Variants in TASOR observed in about 807,000 individuals in gnomAD.
The protein encoded by TASOR is transcription activation suppressor, also known as protein TASOR.
Under a neutral mutation model 178.6 loss-of-function variants are expected in TASOR, and 53 were observed. That is an observed-to-expected ratio of 0.30 (90% confidence interval 0.24 to 0.37). The LOEUF (loss-of-function observed/expected upper bound fraction) is 0.37. Ranked by LOEUF, TASOR falls within the 10% of genes least tolerant of loss-of-function variation. The probability of loss-of-function intolerance (pLI) is 1.00; values close to 1 mark genes in which losing one functional copy is unlikely to be tolerated. For synonymous variants in TASOR, 713 were observed against 696.2 expected (o/e 1.02, Z -0.38); for missense variants, 1,815 against 1,971.4 (o/e 0.92, Z 1.50).
intron 11 of TASOR, among the ~76,000 whole-genome samples, chr3:56,659,919 G>A (rs1473295665): frequency 2.0e-5 from 3 of 151,346 alleles, no homozygotes; most frequent in Non-Finnish European, 2.9e-5. Flanking sequence ...TTGTCACTCA[G>A]GCTGGAGCGC....
rs1342436370 is a variant in TASOR at position 56,622,154 on chromosome 3, T to G, written c.*883A>C. On this transcript the variant is annotated 3_prime_UTR_variant, in exon 24 of 24. Coordinates refer to ENST00000683822, the MANE Select transcript of TASOR (RefSeq NM_001365635.2). ...GAAATTGCAATTTTCAAAAACATTT[T>G]TAAAAGTTAGCATTAGTAACAAGTT... 1 of 152,280 alleles carries G rather than the reference T, an allele frequency of 6.6e-6. No individual in the cohort carries two copies. The highest frequency in any genetic ancestry group is 1.5e-5 in the Non-Finnish European group (1 of 68,078). 9.4% of individuals were successfully genotyped at this position (152,280 alleles called of 1,614,324 possible). A position where few individuals can be genotyped will look rare whatever the true frequency, so the allele number is the denominator to read the frequency against.
chr3:56,669,328 C>A (rs2030413063), intron 5 of TASOR, among the ~76,000 whole-genome samples: 1 of 152,012 alleles, frequency 6.6e-6, no homozygotes, highest in Non-Finnish European at 1.5e-5. Flanking sequence ...ACGGTGAAAA[C>A]CCGTCTCTAC....
At chr3:56,628,422 G>T in intron 19 of TASOR, 70 bp downstream of exon 19, 1 of 1,351,778 alleles carries the variant, frequency 7.4e-7, no homozygotes, top group Non-Finnish European at 1.0e-6. Context: ...ACACTAGTCT[G>T]GCAGACAGTA....
rs1254690638 is a variant in TASOR, at chr3:56,633,629, T to A, written c.3162A>T (p.Thr1054=). 6.2e-7 allele frequency: 1 copy of A among 1,613,940 alleles called. No homozygotes were observed. Among genetic ancestry groups the A allele is most frequent in the East Asian group, 2.2e-5 (1 of 44,892 alleles). The change falls in exon 18 of 24, where the codon ACA becomes ACT. Residue 1054 remains threonine (T), a synonymous_variant. Transcript: ENST00000683822. ...VSTVSTPIFS[T]QEKMKRLSEF... ...CGGAAAGCCGTTTCATCTTCTCTTG[T>A]GTTGAAAAGATAGGTGTGGAAACTG... is the stretch of plus-strand genomic sequence containing the variant.
chr3:56,674,905 G>A lies in TASOR; in HGVS notation c.332-1180C>T, dbSNP rs142908553. On this transcript the variant is annotated intron_variant, in intron 1 of 23. Coordinates refer to ENST00000683822, the MANE Select transcript of TASOR (RefSeq NM_001365635.2). ...ACAATCTTGGCTCACTGCAAGCTCC[G>A]CCTCCAAGGTACACACCATTCTCCT... Among the ~76,000 whole-genome samples, 1,252 of 152,236 alleles carry A rather than the reference G, an allele frequency of 8.2e-3. 16 individuals are homozygous for A. Among genetic ancestry groups the A allele is most frequent in the African/African-American group, 0.027 (1,133 of 41,546 alleles).
chr3:56,682,317 T>C (rs1475649602), intron 1 of TASOR, among the ~76,000 whole-genome samples: 1 of 151,950 alleles, frequency 6.6e-6, no homozygotes, highest in Non-Finnish European at 1.5e-5. Flanking sequence ...GCTATTTCCA[T>C]AGCGAGACTT....
chr3:56,627,857 T>C, intron 19 of TASOR, 116 bp from the exon 20 acceptor site: 2 of 847,796 alleles, frequency 2.4e-6, no homozygotes, highest in Non-Finnish European at 3.7e-6. Context: ...TCTATATTAG[T>C]GGATTACCTC....
intron 1 of TASOR, among the ~76,000 whole-genome samples, chr3:56,682,059 A>G (rs2031840551): frequency 6.6e-6 from 1 of 152,238 alleles, no homozygotes; most frequent in East Asian, 1.9e-4. Context: ...TAAAGAGAGA[A>G]AAACCTATTT....
chr3:56,680,184 A>T (rs1194869125), intron 1 of TASOR, among the ~76,000 whole-genome samples: 1 of 152,280 alleles, frequency 6.6e-6, no homozygotes, highest in East Asian at 1.9e-4. Context: ...CCATCTCCAC[A>T]ACTTAGCTGT....
chr3:56,628,522 T>C lies in TASOR; in HGVS notation c.3840A>G (p.Gln1280=). Reference sequence around the variant, plus strand: ...GAATGAAACCTGCAATGTCTTCATTTTGAATAATAATCAATAGTTTATCTA... The same window carrying C: ...GAATGAAACCTGCAATGTCTTCATTCTGAATAATAATCAATAGTTTATCTA... ...SKLDKLLIII[Q]NEDIAGFIHK... The change falls in exon 19 of 24, where the codon CAA becomes CAG. Residue 1280 remains glutamine, a synonymous_variant. Coordinates refer to ENST00000683822, the MANE Select transcript of TASOR (RefSeq NM_001365635.2). 1.2e-6 allele frequency: 2 copies of C among 1,605,394 alleles called. No homozygotes were observed. Among genetic ancestry groups the C allele is most frequent in the Non-Finnish European group, 8.5e-7 (1 of 1,174,280 alleles).
chr3:56,674,550 T>G (rs908212817), intron 1 of TASOR, among the ~76,000 whole-genome samples: 2 of 152,114 alleles, frequency 1.3e-5, no homozygotes, highest in African/African-American at 4.8e-5. Context: ...TCACGTGGCT[T>G]CTTGTATAAT....
intron 6 of TASOR, among the ~76,000 whole-genome samples, 156 bp downstream of exon 6, chr3:56,668,241 A>G (rs1261693015): frequency 1.3e-5 from 2 of 152,244 alleles, no homozygotes; most frequent in Non-Finnish European, 2.9e-5. Context: ...AACACTGAAC[A>G]AACAGCAGCA....
chr3:56,663,546 T>C lies in TASOR; in HGVS notation c.1049A>G (p.Asn350Ser). 8.5e-7 allele frequency: 1 copy of C among 1,170,850 alleles called. No individual in the cohort carries two copies. The highest frequency in any genetic ancestry group is 1.2e-6 in the Non-Finnish European group (1 of 867,872). 72.5% of individuals were successfully genotyped at this position (1,170,850 alleles called of 1,614,324 possible). ...SRSNSFNTDR[N>S]IDKYNYTLWK... Reference sequence around the variant, plus strand: ...AAGAAACATAAATCTCTTACCTATGTTTCTATCTGTATTAAAGCTGTTAGA... The same window carrying C: ...AAGAAACATAAATCTCTTACCTATGCTTCTATCTGTATTAAAGCTGTTAGA... Residue 350 changes from asparagine (N) to serine (S), a missense_variant, in exon 8 of 24, where the codon AAC becomes AGC. Asn to Ser is a conservative substitution (Grantham distance 46). Transcript: ENST00000683822.
chr3:56,632,198 C>T (rs1012719633), intron 18 of TASOR, among the ~76,000 whole-genome samples: 6 of 152,028 alleles, frequency 3.9e-5, no homozygotes, highest in East Asian at 1.9e-4. Context: ...AACGGCCAGG[C>T]GCAGTGGCCC....
chr3:56,624,557 G>A lies in TASOR; in HGVS notation c.4405C>T (p.Leu1469Phe). 1 of 1,614,108 alleles carries A rather than the reference G, an allele frequency of 6.2e-7. No individual in the cohort carries two copies. Among genetic ancestry groups the A allele is most frequent in the Non-Finnish European group, 8.5e-7 (1 of 1,179,986 alleles). ...AEDFMQNFKN[L>F]VGYHNSITEE... ...GTGATTGAATTGTGATAGCCCACAAGATTTTTAAAGTTTTGCATGAAGTCT... is the reference window on the plus strand; with the variant it reads ...GTGATTGAATTGTGATAGCCCACAAAATTTTTAAAGTTTTGCATGAAGTCT... Residue 1469 changes from leucine (L) to phenylalanine (F), a missense_variant, in exon 23 of 24, where the codon CTT (leucine) becomes TTT (phenylalanine). Leu to Phe is a conservative substitution (Grantham distance 22, BLOSUM62 0). This residue lies in a region of TASOR where 278 missense variants were observed against 257.1 expected (regional missense o/e 1.08). Coordinates refer to ENST00000683822, the MANE Select transcript of TASOR (RefSeq NM_001365635.2).
intron 3 of TASOR, among the ~76,000 whole-genome samples, chr3:56,670,699 G>C (rs2030593096): frequency 6.6e-6 from 1 of 151,966 alleles, no homozygotes. Flanking sequence ...ACTTTGGGAG[G>C]CCAAGGCAGG....
chr3:56,631,529 T>G (rs941566147), intron 18 of TASOR, among the ~76,000 whole-genome samples: 1 of 152,076 alleles, frequency 6.6e-6, no homozygotes, highest in Non-Finnish European at 1.5e-5. Flanking sequence ...TACGTATCTA[T>G]GTCTAAACAT....
intron 1 of TASOR, among the ~76,000 whole-genome samples, chr3:56,675,122 C>T (rs543957271): frequency 1.3e-5 from 2 of 150,334 alleles, no homozygotes; most frequent in South Asian, 4.2e-4. Context: ...CCGTGCCCAG[C>T]CAGGACATTT....
rs1489511418 is a variant in TASOR at position 56,663,590 on chromosome 3, GAAAAGA to G, written c.1023-24_1023-19del. On this transcript the variant is annotated intron_variant, in intron 7 of 23. Coordinates refer to ENST00000683822, the MANE Select transcript of TASOR (RefSeq NM_001365635.2). ...TGTTAGATCTACAAATTTTTTAAAA[GAAAAGA>G]AAAACATTACTCATTAGTATAATCA... The G allele has an allele frequency of 8.5e-6, 11 of 1,295,152 alleles. No individual in the cohort carries two copies. The highest frequency in any genetic ancestry group is 3.0e-5 in the African/African-American group (2 of 65,720). The allele number at this position is 1,295,152 out of a possible 1,614,324, so 80.2% of individuals were successfully genotyped here.
Sources: allele counts gnomAD v4.1 joint callset (sites outside exome capture counted in the v4.1 genomes callset), GRCh38; gene constraint gnomAD v4.1.1; regional missense constraint gnomAD v4.1.1; transcripts MANE v1.5; gene names NCBI Gene and HGNC (gene_info 2026-07-23, HGNC 2026-07-21).